PRKCI: variants seen among roughly 807,000 people sequenced by gnomAD.
PRKCI encodes protein kinase C iota, also known as protein kinase C iota type.
Under a neutral mutation model 84.0 loss-of-function variants are expected in PRKCI, and 43 were observed. That is an observed-to-expected ratio of 0.51 (90% CI 0.40 to 0.66). The LOEUF is 0.66. PRKCI is among the 30% of genes least tolerant of loss of function. The pLI is 0.00. For synonymous variants in PRKCI, 216 were observed against 234.4 expected, an observed-to-expected ratio of 0.92 and a Z score of 0.72; for missense variants, 459 against 745.6, an observed-to-expected ratio of 0.62 and a Z score of 4.48.
chr3:170,291,726 C>A (rs1211089522), intron 12 of PRKCI, 128 bp from the exon 13 acceptor site: 1 of 685,466 alleles, frequency 1.5e-6, no homozygotes, highest in Admixed American at 2.5e-5. Flanking sequence ...GGCAATTGTT[C>A]TAGTGATGTT....
At chr3:170,302,008 C>G (rs1402149785) in intron 17 of PRKCI, among the ~76,000 whole-genome samples, 1 of 152,188 alleles carries the variant, frequency 6.6e-6, no homozygotes, top group Admixed American at 6.5e-5. Context: ...ATTATTGTCT[C>G]TGCTTCTGCC....
chr3:170,304,194 T>G lies in PRKCI; in HGVS notation c.*1067T>G, dbSNP rs1734897398. The G allele has an allele frequency of 6.6e-6, 1 of 152,284 alleles. No individual in the cohort carries two copies. The highest frequency in any genetic ancestry group is 6.5e-5 in the Admixed American group (1 of 15,288). 9.4% of individuals were successfully genotyped at this position (152,284 alleles called of 1,614,324 possible). A position where few individuals can be genotyped will look rare whatever the true frequency, so the allele number is the denominator to read the frequency against. ...ACACTGCAAAAGACCAAGGATGCAG[T>G]TGAATGGAAAATTACTCAGTGTATA... On this transcript the variant is annotated 3_prime_UTR_variant, in exon 18 of 18. Coordinates refer to ENST00000295797, the MANE Select transcript of PRKCI (RefSeq NM_002740.6).
At chr3:170,266,637 A>G (rs1484721893) in intron 4 of PRKCI, among the ~76,000 whole-genome samples, 3 of 152,202 alleles carry the variant, frequency 2.0e-5, no homozygotes, top group Non-Finnish European at 4.4e-5. Flanking sequence ...GACCAAAAAA[A>G]GCATGATCAA....
At chr3:170,236,645 T>G (rs1458813535) in intron 2 of PRKCI, among the ~76,000 whole-genome samples, 2 of 151,968 alleles carry the variant, frequency 1.3e-5, no homozygotes, top group African/African-American at 4.8e-5. Context: ...GAGGATTGCT[T>G]GAGGCCAGGA....
Position 170,235,460 on chromosome 3 carries a change from A to T in PRKCI, c.223+109A>T, listed in dbSNP as rs940266578. 7.8e-6 allele frequency: 9 copies of T among 1,159,872 alleles called. No homozygotes were observed. In the African/African-American group the frequency reaches 1.4e-4, roughly 18 times the overall value. The allele number at this position is 1,159,872 out of a possible 1,614,324, so 71.8% of individuals were successfully genotyped here. On this transcript the variant is annotated intron_variant, in intron 2 of 17. Transcript: ENST00000295797. ...AAAGTTTAAGAGGAAAGACTATTAG[A>T]AATTTGATGCCATTCTTGTTTTTTC...
At chr3:170,242,020 A>G (rs531838001) in intron 2 of PRKCI, among the ~76,000 whole-genome samples, 6 of 152,244 alleles carry the variant, frequency 3.9e-5, no homozygotes, top group Non-Finnish European at 5.9e-5. Flanking sequence ...AAGGTAGGAG[A>G]ATTGCTTGAA....
Position 170,281,265 on chromosome 3 carries a change from T to C in PRKCI, c.980+2T>C. 6.2e-7 allele frequency: 1 copy of C among 1,611,476 alleles called. No homozygotes were observed. Among genetic ancestry groups the C allele is most frequent in the Non-Finnish European group, 8.5e-7 (1 of 1,177,802 alleles). On this transcript the variant is annotated splice_donor_variant, in intron 10 of 17. Coordinates refer to ENST00000295797, the MANE Select transcript of PRKCI (RefSeq NM_002740.6). LOFTEE classifies it high-confidence loss of function. ...TTCTTGCTTTCAGACAGAAAGCAGG[T>C]AAGATTGAAAGATAGTAGAATGATT...
At chr3:170,276,765 A>G (rs1219733342) in intron 8 of PRKCI, among the ~76,000 whole-genome samples, 2 of 152,218 alleles carry the variant, frequency 1.3e-5, no homozygotes, top group African/African-American at 4.8e-5. Flanking sequence ...AACAATTGCA[A>G]CAAAGCCAAA....
At position 170,259,987 on chromosome 3, in the gene PRKCI, C is replaced by T; in HGVS notation, c.242C>T (p.Ser81Leu). Residue 81 changes from serine to leucine, a missense_variant, in exon 3 of 18, where the codon TCA (serine) becomes TTA (leucine). Coordinates refer to ENST00000295797, the MANE Select transcript of PRKCI (RefSeq NM_002740.6). ...TTTTTAGGAGACCCGTGTACAGTAT[C>T]ATCTCAGTTGGAGTTAGAAGAAGCC... ...IDEEGDPCTV[S>L]SQLELEEAFR... 1 of 1,612,458 alleles carries T rather than the reference C, an allele frequency of 6.2e-7. No homozygotes were observed.
intron 1 of PRKCI, among the ~76,000 whole-genome samples, chr3:170,225,032 G>T (rs776680239): frequency 6.6e-6 from 1 of 152,080 alleles, no homozygotes; most frequent in Non-Finnish European, 1.5e-5. Context: ...AATTATCTTG[G>T]CTTATTGCTC....
intron 1 of PRKCI, among the ~76,000 whole-genome samples, chr3:170,229,178 C>T (rs1467796443): frequency 6.6e-6 from 1 of 152,204 alleles, no homozygotes; most frequent in African/African-American, 2.4e-5. Context: ...CACACACAGA[C>T]ATACCCTTTT....
chr3:170,283,482 A>T (rs1577369006), intron 11 of PRKCI, among the ~76,000 whole-genome samples: 1 of 152,292 alleles, frequency 6.6e-6, no homozygotes, highest in East Asian at 1.9e-4. Context: ...CTTGAGGCCA[A>T]CCTGGGTTTT....
Position 170,242,399 on chromosome 3 carries a change from C to T in PRKCI, c.223+7048C>T, listed in dbSNP as rs538079926. Among the ~76,000 whole-genome samples the T allele has an allele frequency of 2.0e-5, 3 of 149,898 alleles. No individual in the cohort carries two copies. In the South Asian group the frequency reaches 6.2e-4, roughly 31 times the overall value. On this transcript the variant is annotated intron_variant, in intron 2 of 17. Transcript: ENST00000295797. The stretch of plus-strand genomic sequence containing the variant: ...GAGGCTGCAGTGAGCCAAGATTGCA[C>T]CACTGCACTCTAGCCTGGACCACAG...
intron 2 of PRKCI, among the ~76,000 whole-genome samples, chr3:170,250,197 T>C (rs974614350): frequency 1.3e-5 from 2 of 149,334 alleles, no homozygotes; most frequent in African/African-American, 5.0e-5. Flanking sequence ...CACTTGAACC[T>C]GGGAGCTGGA....
At chr3:170,257,286 G>C (rs567840499) in intron 2 of PRKCI, among the ~76,000 whole-genome samples, 5 of 152,140 alleles carry the variant, frequency 3.3e-5, no homozygotes, top group African/African-American at 1.2e-4. Context: ...AACTTTGTCA[G>C]GGACTGCAAG....
intron 12 of PRKCI, among the ~76,000 whole-genome samples, chr3:170,289,183 G>A (rs768373743): frequency 1.3e-5 from 2 of 152,080 alleles, no homozygotes; most frequent in Non-Finnish European, 2.9e-5. Flanking sequence ...TCTGACTATT[G>A]TACTGAAAGT....
At chr3:170,255,805 T>G (rs1733570186) in intron 2 of PRKCI, among the ~76,000 whole-genome samples, 1 of 152,216 alleles carries the variant, frequency 6.6e-6, no homozygotes, top group African/African-American at 2.4e-5. Flanking sequence ...CTTATATGGC[T>G]TTTATCGTGT....
chr3:170,296,970 G>A (rs1252661402), intron 15 of PRKCI, among the ~76,000 whole-genome samples: 1 of 152,110 alleles, frequency 6.6e-6, no homozygotes, highest in Non-Finnish European at 1.5e-5. Flanking sequence ...TTGGAGGTTT[G>A]CATGTTTTGA....
chr3:170,290,141 AT>A (rs1210585367), intron 12 of PRKCI, among the ~76,000 whole-genome samples: 1 of 151,728 alleles, frequency 6.6e-6, no homozygotes, highest in Non-Finnish European at 1.5e-5. Flanking sequence ...TTTGTACCGT[AT>A]AATCTATAGG....
Sources: allele counts gnomAD v4.1 joint callset (sites outside exome capture counted in the v4.1 genomes callset), GRCh38; gene constraint gnomAD v4.1.1; transcripts MANE v1.5; gene names NCBI Gene and HGNC (gene_info 2026-07-23, HGNC 2026-07-21).